The following DNMT1 variants were observed in gnomAD, a reference collection of about 807,000 sequenced individuals.
The protein encoded by DNMT1 is DNA (cytosine-5)-methyltransferase 1.
DNMT1 carries 24 observed loss-of-function variants against 205.3 expected under a neutral mutation model. The ratio of observed to expected loss-of-function variants is 0.12; its 90% CI spans 0.08 to 0.16. The LOEUF (loss-of-function observed/expected upper bound fraction) is 0.16. Among genes scored for constraint, DNMT1 ranks in the 10% least tolerant of loss-of-function variants. DNMT1 has a pLI of 1.00. For missense variants in DNMT1, 1,293 were observed against 2,177.7 expected (o/e 0.59, Z 8.09); for synonymous variants, 817 against 839.8 (o/e 0.97, Z 0.47).
chr19:10,192,771 G>A lies in DNMT1; in HGVS notation c.80+2049C>T, dbSNP rs188397972. On this transcript the variant is annotated intron_variant, in intron 1 of 40. Coordinates refer to ENST00000359526, the MANE Select transcript of DNMT1 (RefSeq NM_001130823.3). ...TCAAGAAGATATATACCCACTAACT[G>A]GTTAAGAAGTGGTTTGACTATAATC... Among the ~76,000 whole-genome samples the A allele has an allele frequency of 2.3e-3, 352 of 152,178 alleles. 3 individuals are homozygous for A. The highest frequency in any genetic ancestry group is 8.0e-3 in the African/African-American group (331 of 41,510).
intron 1 of DNMT1, among the ~76,000 whole-genome samples, chr19:10,190,875 G>A (rs1488791966): frequency 6.6e-6 from 1 of 152,004 alleles, no homozygotes; most frequent in Non-Finnish European, 1.5e-5. Context: ...CATTTTGGGA[G>A]GCTAAGATAA....
At chr19:10,153,578 G>A (rs1342489925) in intron 22 of DNMT1, among the ~76,000 whole-genome samples, 6 of 151,518 alleles carry the variant, frequency 4.0e-5, no homozygotes, top group South Asian at 4.2e-4. Context: ...CGGAGGTTAC[G>A]GTGAGCTGAG....
At chr19:10,179,980 A>G (rs1487901400) in intron 5 of DNMT1, 5 of 265,306 alleles carry the variant, frequency 1.9e-5, no homozygotes. Context: ...ATAGAGCAAG[A>G]CTCTGTCATT....
chr19:10,188,816 C>A (rs1324957736), intron 1 of DNMT1, among the ~76,000 whole-genome samples: 3 of 152,142 alleles, frequency 2.0e-5, no homozygotes, highest in Admixed American at 2.0e-4. Context: ...AGGAAGGGGG[C>A]ATGAGCCGAG....
In DNMT1 at chr19:10,180,419, T is replaced by G. The variant is rs2039023874; in HGVS notation, c.376A>C (p.Asn126His). Residue 126 changes from asparagine (N) to histidine (H), a missense_variant, in exon 4 of 41, where the codon AAC becomes CAC. Around this residue, in one of 13 missense-constraint regions of DNMT1, gnomAD observed 394 missense variants for 451.6 expected, o/e 0.87. Coordinates refer to ENST00000359526, the MANE Select transcript of DNMT1 (RefSeq NM_001130823.3). The stretch of plus-strand genomic sequence containing the variant: ...TTGGAAAGGGGTTTGGGGGGGCTGT[T>G]GGCATCTGCCATTCCCACTCTACGG... The part of the protein sequence containing the change: ...EARRVGMADA[N>H]SPPKPLSKPR... The G allele has an allele frequency of 8.1e-6, 13 of 1,614,028 alleles. No individual in the cohort carries two copies. The East Asian group carries it at 2.9e-4, about 36-fold the overall frequency.
rs2038516889 is a variant in DNMT1, at chr19:10,159,207, C to T, written c.1280+451G>A. On this transcript the variant is annotated intron_variant, in intron 17 of 40. Transcript: ENST00000359526. This position sits in a 1 kb window ranked among gnomAD's most constrained non-coding sequence, Gnocchi z 5.0. ...AAAAATCAGCAAAGCTCTATTGTCC[C>T]TTCATCAGCTTTCCACGTGGCTCTT... 6.6e-6 allele frequency among the ~76,000 whole-genome samples: 1 copy of T among 152,132 alleles called. No homozygotes were observed. Among genetic ancestry groups the T allele is most frequent in the Non-Finnish European group, 1.5e-5 (1 of 68,024 alleles).
chr19:10,160,195 C>A (rs903229228), intron 14 of DNMT1, 132 bp from the exon 15 acceptor site: 34 of 1,551,678 alleles, frequency 2.2e-5, no homozygotes, highest in Non-Finnish European at 2.6e-5. Flanking sequence ...GAGGCCCAGG[C>A]GCGTGGTCAC....
chr19:10,181,886 A>G (rs1340151410), intron 2 of DNMT1, among the ~76,000 whole-genome samples, 155 bp downstream of exon 2: 1 of 152,144 alleles, frequency 6.6e-6, no homozygotes, highest in Non-Finnish European at 1.5e-5. Context: ...TTAGCAGCAA[A>G]TTAGTGCTGA....
Position 10,149,611 on chromosome 19 carries a change from C to A in DNMT1, c.2428G>T (p.Ala810Ser). The A allele has an allele frequency of 6.2e-7, 1 of 1,613,994 alleles. No individual in the cohort carries two copies. Among genetic ancestry groups the A allele is most frequent in the Non-Finnish European group, 8.5e-7 (1 of 1,180,016 alleles). ...EDSSNGQMFH[A>S]HWFCAGTDTV... is the part of the protein sequence containing the mutation. ...TCTGTCCCAGCGCAGAACCAGTGGG[C>A]GTGAAACATCTGCCCGTTGCTGCTG... The change falls in exon 26 of 41, where the codon GCC (alanine) becomes TCC (serine). Residue 810 changes from alanine (A) to serine (S), a missense_variant. Transcript: ENST00000359526.
Position 10,137,062 on chromosome 19 carries a change from G to T in DNMT1, c.4489+23C>A. The T allele has an allele frequency of 6.2e-7, 1 of 1,608,756 alleles. No individual in the cohort carries two copies. On this transcript the variant is annotated intron_variant, in intron 37 of 40. Transcript: ENST00000359526. The surrounding 1 kb of genome is among the most constrained non-coding windows in gnomAD (Gnocchi z 6.4). ...GCCTTCCTTCCCCTCAGCCCACCGG[G>T]AACCACAACTTACAGGACCCACCTT...
Position 10,140,002 on chromosome 19 carries a change from G to A in DNMT1, c.3806+44C>T. On this transcript the variant is annotated intron_variant, in intron 33 of 40. Transcript: ENST00000359526. The surrounding 1 kb of genome is among the most constrained non-coding windows in gnomAD (Gnocchi z 8.4). ...ATGACCACTGCTGACATGCGGCACA[G>A]CCCCGGGCCGTCTGGCAACACTGGG... 1 of 1,602,260 alleles carries A rather than the reference G, an allele frequency of 6.2e-7. No individual in the cohort carries two copies. The highest frequency in any genetic ancestry group is 1.1e-5 in the South Asian group (1 of 91,022).
intron 2 of DNMT1, among the ~76,000 whole-genome samples, chr19:10,181,140 A>G (rs2039038078): frequency 6.6e-6 from 1 of 152,174 alleles, no homozygotes; most frequent in African/African-American, 2.4e-5. Context: ...TTATAAGAAT[A>G]ATACTGTGCT....
intron 39 of DNMT1, 125 bp downstream of exon 39, chr19:10,135,611 T>G: frequency 1.0e-6 from 1 of 988,392 alleles, no homozygotes; most frequent in Non-Finnish European, 1.5e-6. Flanking sequence ...CCACTGAGAG[T>G]GATGGGGCTA....
At chr19:10,144,906 C>A (rs2038165487) in intron 28 of DNMT1, among the ~76,000 whole-genome samples, 1 of 152,184 alleles carries the variant, frequency 6.6e-6, no homozygotes, top group Admixed American at 6.6e-5. Context: ...ACCCAGCTAA[C>A]CCTGGCTAAT....
intron 13 of DNMT1, among the ~76,000 whole-genome samples, chr19:10,161,101 T>C (rs1432957635): frequency 6.6e-6 from 1 of 151,944 alleles, no homozygotes; most frequent in Non-Finnish European, 1.5e-5. Context: ...GATCAAGAGA[T>C]TGAGACCATC....
chr19:10,148,948 C>G lies in DNMT1; in HGVS notation c.2656G>C (p.Asp886His), dbSNP rs367681882. The G allele has an allele frequency of 1.9e-6, 3 of 1,614,206 alleles. No homozygotes were observed. Among genetic ancestry groups the G allele is most frequent in the Non-Finnish European group, 2.5e-6 (3 of 1,180,026 alleles). ...GKTYFYQLWY[D>H]QDYARFESPP... ...GACTCGAATCTCGCGTAGTCTTGAT[C>G]ATACCACAGCTGGTAGAAGTAGGTC... is the stretch of plus-strand genomic sequence containing the variant. The change falls in exon 27 of 41, where the codon GAT becomes CAT. Residue 886 changes from aspartate (D) to histidine (H), a missense_variant. Asp to His is a moderately conservative substitution (Grantham distance 81). Transcript: ENST00000359526.
Position 10,156,370 on chromosome 19 carries a change from T to C in DNMT1, c.1399+21A>G, listed in dbSNP as rs747177950. The stretch of plus-strand genomic sequence containing the variant: ...CTGTTTTTAAAGTGTGCCCCAAACA[T>C]AATCCCGGACTATTCCTTACCTTCA... On this transcript the variant is annotated intron_variant, in intron 18 of 40. Transcript: ENST00000359526. The surrounding 1 kb of genome is among the most constrained non-coding windows in gnomAD (Gnocchi z 4.2). 19 of 1,586,390 alleles carry C rather than the reference T, an allele frequency of 1.2e-5. No individual in the cohort carries two copies. Among genetic ancestry groups the C allele is most frequent in the Non-Finnish European group, 1.6e-5 (19 of 1,156,228 alleles).
At position 10,140,601 on chromosome 19, in the gene DNMT1, C is replaced by T. The variant is rs888962106; in HGVS notation, c.3523+180G>A. On this transcript the variant is annotated intron_variant, in intron 32 of 40. Transcript: ENST00000359526. The surrounding 1 kb of genome is among the most constrained non-coding windows in gnomAD (Gnocchi z 8.4). ...GCCAGGATGGTCTCAAACTCCTGAC[C>T]TCATGATCCACCCACCTCGGCCTCC... is the stretch of plus-strand genomic sequence containing the variant. 1.7e-5 allele frequency: 19 copies of T among 1,124,842 alleles called. No homozygotes were observed. The South Asian group carries it at 2.3e-4, about 14-fold the overall frequency. 69.7% of individuals were successfully genotyped at this position (1,124,842 alleles called of 1,614,324 possible).
At chr19:10,158,465 C>T (rs2038501214) in intron 17 of DNMT1, among the ~76,000 whole-genome samples, 1 of 152,298 alleles carries the variant, frequency 6.6e-6, no homozygotes, top group South Asian at 2.1e-4. Context: ...AAGGCACTTC[C>T]CCCTCCTCTT....
Sources: allele counts gnomAD v4.1 joint callset (sites outside exome capture counted in the v4.1 genomes callset), GRCh38; gene constraint gnomAD v4.1.1; regional missense constraint gnomAD v4.1.1; non-coding constraint Gnocchi (gnomAD v3.1); transcripts MANE v1.5; gene names NCBI Gene and HGNC (gene_info 2026-07-23, HGNC 2026-07-21).